NDC80: variants seen among roughly 807,000 people sequenced by gnomAD.
NDC80 encodes the protein kinetochore protein NDC80 homolog.
Under a neutral mutation model 89.3 loss-of-function variants are expected in NDC80, and 69 were observed. The ratio of observed to expected loss-of-function variants is 0.77; its 90% confidence interval spans 0.64 to 0.94. The LOEUF is 0.94. NDC80 is among the 40% of genes least tolerant of loss of function. The pLI, the probability that NDC80 is intolerant of heterozygous loss-of-function variation, is 0.00. For missense variants in NDC80, 593 were observed against 739.6 expected, an observed-to-expected ratio of 0.80 and a Z score of 2.30; for synonymous variants, 243 against 255.6, an observed-to-expected ratio of 0.95 and a Z score of 0.47.
At chr18:2,614,457 A>C (rs1483411588) in intron 16 of NDC80, 2 of 6,434 alleles carry the variant, frequency 3.1e-4, no homozygotes, top group Non-Finnish European at 5.4e-4. Context: ...GAAAGAAAGA[A>C]AGAAAGAAAG....
intron 14 of NDC80, 116 bp downstream of exon 14, chr18:2,606,623 T>C (rs1158005498): frequency 1.1e-5 from 6 of 524,560 alleles, no homozygotes; most frequent in Non-Finnish European, 1.6e-5. Context: ...TCCTATAATT[T>C]GTATCTTGGG....
chr18:2,600,734 T>G (rs1338604691), intron 12 of NDC80, among the ~76,000 whole-genome samples: 2 of 152,234 alleles, frequency 1.3e-5, no homozygotes, highest in African/African-American at 4.8e-5. Flanking sequence ...GGGATTTTAT[T>G]TCAGCATAAT....
intron 8 of NDC80, among the ~76,000 whole-genome samples, chr18:2,588,802 A>G (rs1217156909): frequency 6.6e-6 from 1 of 152,208 alleles, no homozygotes; most frequent in Non-Finnish European, 1.5e-5. Flanking sequence ...ATAATTAACC[A>G]AGCATAAAAA....
intron 11 of NDC80, 35 bp from the exon 12 acceptor site, chr18:2,598,984 T>G: frequency 2.0e-6 from 3 of 1,485,712 alleles, no homozygotes; most frequent in Non-Finnish European, 2.7e-6. Flanking sequence ...GGAATGGGGC[T>G]GCTTTAACAT....
At chr18:2,576,327 AC>A (rs1318857055) in intron 3 of NDC80, among the ~76,000 whole-genome samples, 2 of 152,224 alleles carry the variant, frequency 1.3e-5, no homozygotes, top group African/African-American at 4.8e-5. Flanking sequence ...CTTTTAAAAA[AC>A]ATATTTTCAA....
intron 13 of NDC80, among the ~76,000 whole-genome samples, chr18:2,604,490 C>T (rs1018596244): frequency 6.6e-6 from 1 of 152,076 alleles, no homozygotes; most frequent in African/African-American, 2.4e-5. Context: ...CAGGACCAGC[C>T]AGGCAACATG....
Position 2,585,178 on chromosome 18 carries a change from T to C in NDC80, c.645T>C (p.Thr215=). Residue 215 remains threonine, a synonymous_variant, in exon 7 of 17, where the codon ACT becomes ACC. Transcript: ENST00000261597. ...ATGGGCAGCCTTGGGGAGAAGAAAC[T>C]GAAGATGGAATTATGCATAATAAGG... ...FDDGQPWGEE[T]EDGIMHNKLF... 6.2e-7 allele frequency: 1 copy of C among 1,612,872 alleles called. No individual in the cohort carries two copies. The highest frequency in any genetic ancestry group is 2.2e-5 in the East Asian group (1 of 44,804).
intron 10 of NDC80, among the ~76,000 whole-genome samples, chr18:2,593,013 GGTGTGTGTGTGTGTGTGT>G (rs56851912): frequency 0.017 from 1,858 of 108,424 alleles, 57 homozygotes; most frequent in African/African-American, 0.066. Flanking sequence ...AATAAACTCT[GGTGTGTGTGTGTGTGTGT>G]GTGTGTGTGT....
At chr18:2,598,549 G>A (rs945332434) in intron 11 of NDC80, among the ~76,000 whole-genome samples, 1 of 152,154 alleles carries the variant, frequency 6.6e-6, no homozygotes, top group African/African-American at 2.4e-5. Context: ...CAGGAAATGT[G>A]AAATATATTA....
At chr18:2,572,294 A>C (rs2072519264) in intron 1 of NDC80, among the ~76,000 whole-genome samples, 1 of 152,216 alleles carries the variant, frequency 6.6e-6, no homozygotes. Context: ...ATGAGACAGG[A>C]TCAAAAGTTT....
At chr18:2,572,509 A>C (rs1236562602) in intron 1 of NDC80, among the ~76,000 whole-genome samples, 2 of 152,232 alleles carry the variant, frequency 1.3e-5, no homozygotes, top group South Asian at 2.1e-4. Context: ...TGACATTAGG[A>C]AAACAGAATA....
At chr18:2,587,728 C>A in intron 7 of NDC80, 102 bp from the exon 8 acceptor site, 2 of 895,322 alleles carry the variant, frequency 2.2e-6, no homozygotes, top group Non-Finnish European at 3.6e-6. Context: ...CTTAGTATTT[C>A]TGACTATTTT....
At chr18:2,605,015 C>T (rs1327305995) in intron 13 of NDC80, among the ~76,000 whole-genome samples, 2 of 151,858 alleles carry the variant, frequency 1.3e-5, no homozygotes, top group Non-Finnish European at 1.5e-5. Context: ...ACAGTGAAGA[C>T]GGAGAAAGGA....
rs1568001388 is a variant in NDC80 at position 2,589,330 on chromosome 18, CACTT to C, written c.870+25_870+28del. 8 of 1,534,284 alleles carry C rather than the reference CACTT, an allele frequency of 5.2e-6. No homozygotes were observed. The highest frequency in any genetic ancestry group is 7.2e-6 in the Non-Finnish European group (8 of 1,109,942). ...GAACCGGTTAGTAAACATGTTTACA[CACTT>C]ACTTGAGAGCTCTTTTAGACTTTTG... On this transcript the variant is annotated intron_variant, in intron 9 of 16. Transcript: ENST00000261597.
intron 10 of NDC80, among the ~76,000 whole-genome samples, chr18:2,592,171 T>C (rs1033062005): frequency 1.3e-5 from 2 of 152,152 alleles, no homozygotes; most frequent in African/African-American, 2.4e-5. Context: ...GCAAACTCAG[T>C]AGGTGAGAGA....
At chr18:2,614,984 CTAA>C (rs2143679154) in intron 16 of NDC80, 1 of 152,316 alleles carries the variant, frequency 6.6e-6, no homozygotes, top group South Asian at 2.1e-4. Flanking sequence ...CAGCCGCATG[CTAA>C]GGAACACCAA....
intron 2 of NDC80, among the ~76,000 whole-genome samples, chr18:2,573,597 G>C (rs1045573368): frequency 6.6e-6 from 1 of 152,140 alleles, no homozygotes. Flanking sequence ...TTTTCATTAT[G>C]AGTGATTATC....
At chr18:2,587,774 A>T (rs1469318316) in intron 7 of NDC80, 56 bp from the exon 8 acceptor site, 9 of 1,402,654 alleles carry the variant, frequency 6.4e-6, no homozygotes, top group Non-Finnish European at 9.1e-6. Flanking sequence ...TAGAAAAGTG[A>T]AACAGACCAA....
intron 13 of NDC80, among the ~76,000 whole-genome samples, chr18:2,602,854 A>G (rs1216457610): frequency 2.0e-5 from 3 of 152,160 alleles, no homozygotes; most frequent in African/African-American, 7.2e-5. Context: ...TGCAACTGAA[A>G]ATGTTAGGAG....
Sources: allele counts gnomAD v4.1 joint callset (sites outside exome capture counted in the v4.1 genomes callset), GRCh38; gene constraint gnomAD v4.1.1; transcripts MANE v1.5; gene names NCBI Gene and HGNC (gene_info 2026-07-23, HGNC 2026-07-21).